The following SLC39A11 variants were observed in gnomAD, a reference collection of about 807,000 sequenced individuals.
SLC39A11 encodes solute carrier family 39 member 11.
In SLC39A11, 33 loss-of-function variants were observed where a neutral mutation model predicts 36.1. The observed-to-expected ratio is 0.91, with a 90% CI of 0.69 to 1.22. SLC39A11 has a LOEUF of 1.22. Among genes scored for constraint, SLC39A11 ranks in the 50% most tolerant of loss-of-function variants. SLC39A11 has a pLI of 0.00. For synonymous variants in SLC39A11, 166 were observed against 170.3 expected (o/e 0.97, Z 0.20); for missense variants, 432 against 430.3 (o/e 1.00, Z -0.03).
rs186572596 is a variant in SLC39A11, at chr17:72,684,564, T to G, written c.672-35296A>C. Among the ~76,000 whole-genome samples the G allele has an allele frequency of 4.3e-3, 654 of 152,250 alleles. 3 individuals are homozygous for G. Among genetic ancestry groups the G allele is most frequent in the African/African-American group, 0.015 (630 of 41,536 alleles). On this transcript the variant is annotated intron_variant, in intron 7 of 9. Coordinates refer to ENST00000255559, the MANE Select transcript of SLC39A11 (RefSeq NM_139177.4). Reference sequence around the variant, plus strand: ...GAAGCAACTGTAAACCTTGGGAGGCTTTCAAGAGACTCCCCAGATCAAGGG... The same window carrying G: ...GAAGCAACTGTAAACCTTGGGAGGCGTTCAAGAGACTCCCCAGATCAAGGG...
At chr17:72,990,707 C>T (rs1434309773) in intron 4 of SLC39A11, among the ~76,000 whole-genome samples, 1 of 152,076 alleles carries the variant, frequency 6.6e-6, no homozygotes, top group Non-Finnish European at 1.5e-5. Context: ...GGATTACAGG[C>T]GTGAAGAACC....
At chr17:72,809,766 T>C (rs527740930) in intron 6 of SLC39A11, among the ~76,000 whole-genome samples, 8 of 152,312 alleles carry the variant, frequency 5.3e-5, no homozygotes, top group African/African-American at 1.9e-4. Flanking sequence ...TGTTTGTTTG[T>C]TTGTTTAATT....
intron 7 of SLC39A11, among the ~76,000 whole-genome samples, chr17:72,721,968 C>A (rs199654458): frequency 4.5e-3 from 473 of 104,714 alleles, no homozygotes; most frequent in East Asian, 5.5e-3. Flanking sequence ...GCCTCCATCT[C>A]AAAAAAAAAA....
chr17:73,048,122 G>A (rs2143801034), intron 3 of SLC39A11, among the ~76,000 whole-genome samples: 1 of 150,366 alleles, frequency 6.7e-6, no homozygotes, highest in Non-Finnish European at 1.5e-5. Flanking sequence ...TTTGTTACAT[G>A]GGTATACTGC....
chr17:72,709,094 C>A (rs960919278), intron 7 of SLC39A11, among the ~76,000 whole-genome samples: 1 of 152,134 alleles, frequency 6.6e-6, no homozygotes, highest in African/African-American at 2.4e-5. Flanking sequence ...TGCCACCACA[C>A]CCAGCTAATT....
intron 3 of SLC39A11, among the ~76,000 whole-genome samples, chr17:73,065,795 T>C (rs903107): frequency 0.43 from 65,167 of 152,052 alleles, 14,374 homozygotes; most frequent in Non-Finnish European, 0.46. Context: ...GGGCTTCAAA[T>C]TTTTTCCACC....
At chr17:72,900,163 AAG>A (rs1330567263) in intron 5 of SLC39A11, among the ~76,000 whole-genome samples, 1 of 97,160 alleles carries the variant, frequency 1.0e-5, no homozygotes, top group Admixed American at 1.0e-4. Context: ...AAAAGAAAGA[AAG>A]AAAGAAAGAA....
chr17:72,773,454 T>C (rs933890343), intron 6 of SLC39A11, among the ~76,000 whole-genome samples: 13 of 152,268 alleles, frequency 8.5e-5, no homozygotes, highest in Non-Finnish European at 1.6e-4. Context: ...AACCCCTTTT[T>C]CTTGGTTCTC....
At chr17:72,845,544 C>G (rs1265386603) in intron 6 of SLC39A11, among the ~76,000 whole-genome samples, 1 of 152,202 alleles carries the variant, frequency 6.6e-6, no homozygotes, top group Non-Finnish European at 1.5e-5. Context: ...AACACTCTAC[C>G]GTCTCCTCTG....
intron 4 of SLC39A11, among the ~76,000 whole-genome samples, chr17:72,981,007 A>AGG (rs2088259399): frequency 6.7e-6 from 1 of 148,924 alleles, no homozygotes; most frequent in Admixed American, 6.7e-5. Context: ...TGGGTGACAG[A>AGG]GGGAGACTCC....
chr17:72,753,285 T>C (rs1389931126), intron 6 of SLC39A11, among the ~76,000 whole-genome samples: 1 of 152,194 alleles, frequency 6.6e-6, no homozygotes, highest in Non-Finnish European at 1.5e-5. Context: ...TTTCCCCACA[T>C]GCCTGCACAC....
intron 6 of SLC39A11, among the ~76,000 whole-genome samples, chr17:72,760,656 G>A (rs536065535): frequency 1.3e-5 from 2 of 152,168 alleles, no homozygotes; most frequent in Non-Finnish European, 2.9e-5. Flanking sequence ...GTGTATCAAC[G>A]GGGTTGACAT....
chr17:72,852,418 G>A (rs1027739859), intron 5 of SLC39A11, among the ~76,000 whole-genome samples: 3 of 152,196 alleles, frequency 2.0e-5, no homozygotes, highest in Admixed American at 1.3e-4. Flanking sequence ...ACGCAAGGAT[G>A]CCAGTCCTCC....
chr17:72,968,094 T>C (rs1187977503), intron 4 of SLC39A11, among the ~76,000 whole-genome samples: 1 of 152,198 alleles, frequency 6.6e-6, no homozygotes, highest in Admixed American at 6.5e-5. Context: ...GAAAAGATTG[T>C]GTTCCCTTGT....
chr17:72,773,495 G>A (rs546118423), intron 6 of SLC39A11, among the ~76,000 whole-genome samples: 17 of 152,242 alleles, frequency 1.1e-4, no homozygotes, highest in African/African-American at 2.4e-4. Flanking sequence ...CCTGTAAGAA[G>A]TGCCTTTCAC....
At chr17:73,007,805 G>T (rs942577202) in intron 4 of SLC39A11, among the ~76,000 whole-genome samples, 8 of 152,202 alleles carry the variant, frequency 5.3e-5, no homozygotes, top group Admixed American at 5.2e-4. Flanking sequence ...GACATCGTCA[G>T]AAACATTTGT....
At chr17:72,702,977 T>C (rs2072723493) in intron 7 of SLC39A11, among the ~76,000 whole-genome samples, 1 of 138,078 alleles carries the variant, frequency 7.2e-6, no homozygotes, top group African/African-American at 2.7e-5. Flanking sequence ...AAAAAAAAAT[T>C]GATTCCCTCT....
chr17:72,828,668 C>T (rs2078134662), intron 6 of SLC39A11, among the ~76,000 whole-genome samples: 1 of 152,200 alleles, frequency 6.6e-6, no homozygotes. Flanking sequence ...GGGGTTTTCG[C>T]ACCTGTGGGC....
chr17:73,020,248 T>C (rs116253988), intron 4 of SLC39A11, among the ~76,000 whole-genome samples: 5,460 of 152,300 alleles, frequency 0.036, 130 homozygotes, highest in African/African-American at 0.054. Flanking sequence ...GGGAAGCTTT[T>C]GGAGGTAATT....
Sources: allele counts gnomAD v4.1 joint callset (sites outside exome capture counted in the v4.1 genomes callset), GRCh38; gene constraint gnomAD v4.1.1; transcripts MANE v1.5; gene names NCBI Gene and HGNC (gene_info 2026-07-23, HGNC 2026-07-21).